RNLS: variants seen among roughly 807,000 people sequenced by gnomAD.
RNLS encodes renalase.
A neutral mutation model predicts 39.8 loss-of-function variants in RNLS; 39 were observed. The ratio of observed to expected loss-of-function variants is 0.98; its 90% CI spans 0.76 to 1.28. RNLS has a LOEUF of 1.28. Among genes scored for constraint, RNLS ranks in the 50% most tolerant of loss-of-function variants. The probability of loss-of-function intolerance (pLI) is 0.00; values close to 1 mark genes in which losing one functional copy is unlikely to be tolerated. For missense variants in RNLS, 410 were observed against 413.3 expected (o/e 0.99, Z 0.07); for synonymous variants, 147 against 150.7 (o/e 0.98, Z 0.18).
intron 4 of RNLS, among the ~76,000 whole-genome samples, chr10:88,561,174 C>G (rs1849165686): frequency 6.6e-6 from 1 of 152,040 alleles, no homozygotes; most frequent in Non-Finnish European, 1.5e-5. Context: ...AGCAAAGGAC[C>G]AAGATGTCAT....
chr10:88,305,992 C>G (rs1396298597), intron 6 of RNLS, among the ~76,000 whole-genome samples: 1 of 152,114 alleles, frequency 6.6e-6, no homozygotes, highest in South Asian at 2.1e-4. Context: ...CAGACCACAG[C>G]ACAATCAAAT....
chr10:88,213,053 C>T, the RNLS span, among the ~76,000 whole-genome samples: 7 of 152,170 alleles, frequency 4.6e-5, no homozygotes, highest in African/African-American at 1.7e-4. Flanking sequence ...AGCCCACCAT[C>T]GCCCTGCATT....
chr10:88,381,014 A>AAAG (rs1851448854), intron 4 of RNLS, among the ~76,000 whole-genome samples: 1 of 152,188 alleles, frequency 6.6e-6, no homozygotes, highest in Admixed American at 6.5e-5. Context: ...CATTACTACA[A>AAAG]AAGTGCCATT....
chr10:88,330,240 G>T (rs964149219), intron 5 of RNLS, among the ~76,000 whole-genome samples: 1 of 151,350 alleles, frequency 6.6e-6, no homozygotes, highest in Non-Finnish European at 1.5e-5. Flanking sequence ...TTATCTGAAA[G>T]ATTCTTTGTG....
chr10:88,213,654 T>C, the RNLS span, among the ~76,000 whole-genome samples: 4 of 152,146 alleles, frequency 2.6e-5, no homozygotes, highest in African/African-American at 9.7e-5. Flanking sequence ...AACTCCCCAG[T>C]TGAAGAGATA....
At chr10:88,579,251 T>G (rs1850385971) in intron 3 of RNLS, among the ~76,000 whole-genome samples, 1 of 152,180 alleles carries the variant, frequency 6.6e-6, no homozygotes, top group Non-Finnish European at 1.5e-5. Flanking sequence ...CTGTGCAGCA[T>G]TCTTTCTTTA....
In RNLS at chr10:88,402,100, A is replaced by AT. The variant is rs200110612; in HGVS notation, c.527-39376dup. On this transcript the variant is annotated intron_variant, in intron 4 of 6. Coordinates refer to ENST00000331772, the MANE Select transcript of RNLS (RefSeq NM_001031709.3). Reference sequence around the variant, plus strand: ...GGAAAGCACATTTCAAAGAATGAGGATTTTTTTATCATGCCTTTCAAAAGA... The same window carrying AT: ...GGAAAGCACATTTCAAAGAATGAGGATTTTTTTTATCATGCCTTTCAAAAGA... Among the ~76,000 whole-genome samples, 1,287 of 152,050 alleles carry AT rather than the reference A, an allele frequency of 8.5e-3. 18 individuals carry two copies. Among genetic ancestry groups the AT allele is most frequent in the East Asian group, 0.028 (145 of 5,146 alleles).
At chr10:88,526,722 C>T (rs139480893) in intron 4 of RNLS, among the ~76,000 whole-genome samples, 5 of 151,354 alleles carry the variant, frequency 3.3e-5, no homozygotes, top group East Asian at 3.9e-4. Flanking sequence ...GCTGGAATCA[C>T]GCCACTGCAC....
chr10:88,379,933 C>G (rs1851316898), intron 4 of RNLS, among the ~76,000 whole-genome samples: 1 of 152,138 alleles, frequency 6.6e-6, no homozygotes, highest in South Asian at 2.1e-4. Flanking sequence ...CCCCCGCTGT[C>G]CAGTCACCTC....
At chr10:88,535,995 G>A (rs775273002) in intron 4 of RNLS, among the ~76,000 whole-genome samples, 3 of 152,156 alleles carry the variant, frequency 2.0e-5, no homozygotes, top group Non-Finnish European at 4.4e-5. Context: ...AAATAGAATT[G>A]AGAGATCTGA....
chr10:88,287,246 A>C (rs1215341191), intron 6 of RNLS, among the ~76,000 whole-genome samples: 1 of 152,156 alleles, frequency 6.6e-6, no homozygotes, highest in Non-Finnish European at 1.5e-5. Flanking sequence ...GAGATACAAA[A>C]GTGAAATATT....
At chr10:88,393,205 GAGAA>G (rs893741063) in intron 4 of RNLS, among the ~76,000 whole-genome samples, 63 of 152,224 alleles carry the variant, frequency 4.1e-4, no homozygotes, top group Admixed American at 2.3e-3. Context: ...AATCAGGCAG[GAGAA>G]AGAAATAAAG....
At chr10:88,334,722 T>C (rs1248394651) in intron 5 of RNLS, among the ~76,000 whole-genome samples, 2 of 152,180 alleles carry the variant, frequency 1.3e-5, no homozygotes, top group South Asian at 2.1e-4. Context: ...TTCTTTTTTT[T>C]CCCTTGAAAT....
intron 6 of RNLS, among the ~76,000 whole-genome samples, chr10:88,278,249 T>A (rs1345069618): frequency 6.6e-6 from 1 of 152,160 alleles, no homozygotes; most frequent in Admixed American, 6.5e-5. Context: ...ACGGTCTCTG[T>A]ATCACTAACA....
the RNLS span, among the ~76,000 whole-genome samples, chr10:88,178,589 C>G: frequency 6.6e-6 from 1 of 152,220 alleles, no homozygotes; most frequent in African/African-American, 2.4e-5. Flanking sequence ...GCTTCCCTCT[C>G]TATGCTGCCA....
chr10:88,432,951 GCT>G lies in RNLS; in HGVS notation c.527-70228_527-70227del, dbSNP rs542379862. On this transcript the variant is annotated intron_variant, in intron 4 of 6. Coordinates refer to ENST00000331772, the MANE Select transcript of RNLS (RefSeq NM_001031709.3). ...AATTCCTATTTTTAAATGATGTATA[GCT>G]CTTAGTGATGCCATGCTGAATTTCT... Among the ~76,000 whole-genome samples the G allele has an allele frequency of 8.2e-4, 125 of 151,944 alleles. 1 individual carries two copies. The highest frequency in any genetic ancestry group is 2.7e-3 in the Admixed American group (41 of 15,216).
chr10:88,381,223 A>G (rs1851468501), intron 4 of RNLS, among the ~76,000 whole-genome samples: 1 of 152,180 alleles, frequency 6.6e-6, no homozygotes, highest in East Asian at 1.9e-4. Flanking sequence ...ATTAATGTGT[A>G]GCAAACTGAC....
chr10:88,273,848 G>T (rs1842718462), downstream of RNLS: 1 of 144,122 alleles, frequency 6.9e-6, no homozygotes, highest in Admixed American at 6.8e-5. Context: ...ATGCCAAATT[G>T]ATAGGTTAAA....
chr10:88,248,544 C>G, the RNLS span, among the ~76,000 whole-genome samples: 1 of 152,196 alleles, frequency 6.6e-6, no homozygotes, highest in South Asian at 2.1e-4. Context: ...TCCAGTGGTG[C>G]TGGACTCCCA....
Sources: allele counts gnomAD v4.1 joint callset (sites outside exome capture counted in the v4.1 genomes callset), GRCh38; gene constraint gnomAD v4.1.1; transcripts MANE v1.5; gene names NCBI Gene and HGNC (gene_info 2026-07-23, HGNC 2026-07-21).